The following HSD17B3 variants were observed in gnomAD, a reference collection of about 807,000 sequenced individuals.
The protein encoded by HSD17B3 is 17-beta-hydroxysteroid dehydrogenase type 3.
HSD17B3 carries 29 observed loss-of-function variants against 41.1 expected under a neutral mutation model. That is an observed-to-expected ratio of 0.71 (90% CI 0.53 to 0.96). HSD17B3 has a LOEUF of 0.96. Ranked by LOEUF, HSD17B3 falls within the 40% of genes least tolerant of loss-of-function variation. The probability of loss-of-function intolerance (pLI) is 0.00; values close to 1 mark genes in which losing one functional copy is unlikely to be tolerated. For missense variants in HSD17B3, 323 were observed against 374.6 expected (o/e 0.86, Z 1.14); for synonymous variants, 126 against 145.6 (o/e 0.87, Z 0.97).
chr9:96,290,648 A>C (rs540466215), intron 2 of HSD17B3, among the ~76,000 whole-genome samples: 2 of 152,028 alleles, frequency 1.3e-5, no homozygotes, highest in Admixed American at 6.6e-5. Flanking sequence ...AGCCTGGCCA[A>C]CATGGTGAAA....
chr9:96,261,224 T>C (rs1825845200), intron 2 of HSD17B3, among the ~76,000 whole-genome samples: 2 of 152,250 alleles, frequency 1.3e-5, no homozygotes, highest in African/African-American at 4.8e-5. Context: ...TGCCAAGACT[T>C]GGTTCAGGCA....
chr9:96,249,689 T>A, intron 6 of HSD17B3, 62 bp downstream of exon 6: 5 of 1,501,310 alleles, frequency 3.3e-6, no homozygotes, highest in Non-Finnish European at 4.6e-6. Flanking sequence ...ACAATTCTCC[T>A]GAGTTGCCAA....
At chr9:96,246,086 C>G (rs1836650453) in intron 7 of HSD17B3, among the ~76,000 whole-genome samples, 1 of 152,132 alleles carries the variant, frequency 6.6e-6, no homozygotes, top group African/African-American at 2.4e-5. Context: ...AATGAACACA[C>G]CTGAGAAAAA....
intron 2 of HSD17B3, among the ~76,000 whole-genome samples, chr9:96,278,212 T>C (rs1308968298): frequency 6.6e-6 from 1 of 152,202 alleles, no homozygotes; most frequent in Admixed American, 6.5e-5. Context: ...AACAAGGCTG[T>C]ATTATATGCT....
At chr9:96,256,045 A>C (rs1663275068) in intron 2 of HSD17B3, among the ~76,000 whole-genome samples, 1 of 152,224 alleles carries the variant, frequency 6.6e-6, no homozygotes. Context: ...GTTTTTCCTG[A>C]AAGACGAAAG....
intron 3 of HSD17B3, 93 bp from the exon 4 acceptor site, chr9:96,253,003 A>ACTGGG: frequency 3.7e-6 from 3 of 812,444 alleles, no homozygotes; most frequent in Non-Finnish European, 6.6e-6. Context: ...TTACCTGAGC[A>ACTGGG]GACATTGAAG....
At chr9:96,270,247 T>TACACACACAC (rs35263931) in intron 2 of HSD17B3, among the ~76,000 whole-genome samples, 7 of 147,278 alleles carry the variant, frequency 4.8e-5, no homozygotes, top group South Asian at 2.2e-4. Context: ...CCCAAACACA[T>TACACACACAC]ACACACACAC....
At chr9:96,238,057 C>A (rs1836297274) in intron 10 of HSD17B3, among the ~76,000 whole-genome samples, 1 of 152,104 alleles carries the variant, frequency 6.6e-6, no homozygotes, top group Non-Finnish European at 1.5e-5. Context: ...AAATCTTGAG[C>A]CCAGGAGTTC....
chr9:96,250,708 G>A (rs941826164), intron 5 of HSD17B3, among the ~76,000 whole-genome samples: 1 of 152,020 alleles, frequency 6.6e-6, no homozygotes, highest in African/African-American at 2.4e-5. Flanking sequence ...CCAACATAGT[G>A]AAACCCCCGT....
Position 96,241,222 on chromosome 9 carries a change from C to G in HSD17B3, c.673-315G>C, listed in dbSNP as rs555187213. 4.6e-3 allele frequency among the ~76,000 whole-genome samples: 698 copies of G among 152,264 alleles called. 2 individuals are homozygous for G. Among genetic ancestry groups the G allele is most frequent in the Non-Finnish European group, 8.1e-3 (554 of 68,022 alleles). Reference sequence around the variant, plus strand: ...GACAGCAAATAAAAATACAGGATGTCCAGTTAAATTTGAAGTTCAGACAAA... The same window carrying G: ...GACAGCAAATAAAAATACAGGATGTGCAGTTAAATTTGAAGTTCAGACAAA... On this transcript the variant is annotated intron_variant, in intron 9 of 10. Coordinates refer to ENST00000375263, the MANE Select transcript of HSD17B3 (RefSeq NM_000197.2).
chr9:96,239,346 G>A (rs1327891188), intron 10 of HSD17B3: 1 of 152,180 alleles, frequency 6.6e-6, no homozygotes, highest in African/African-American at 2.4e-5. Flanking sequence ...GGCCAGTTGA[G>A]ATGACTAGAT....
intron 2 of HSD17B3, among the ~76,000 whole-genome samples, chr9:96,275,351 G>A (rs962624939): frequency 3.9e-5 from 6 of 152,082 alleles, no homozygotes; most frequent in African/African-American, 1.4e-4. Context: ...TTGTAATGAT[G>A]GTGCACAAAT....
intron 2 of HSD17B3, among the ~76,000 whole-genome samples, chr9:96,273,817 C>T (rs1014640540): frequency 8.5e-5 from 13 of 152,144 alleles, no homozygotes; most frequent in African/African-American, 1.4e-4. Flanking sequence ...GCATTGCACA[C>T]GCACCCCACC....
chr9:96,298,539 C>T, intron 1 of HSD17B3, 77 bp from the exon 2 acceptor site: 1 of 1,248,164 alleles, frequency 8.0e-7, no homozygotes, highest in Non-Finnish European at 1.2e-6. Context: ...CGTTTTCTCA[C>T]AAGCCTAGTC....
rs997020388 is a variant in HSD17B3, at chr9:96,269,916, A to G, written c.202-14973T>C. Among the ~76,000 whole-genome samples, 85 of 151,784 alleles carry G rather than the reference A, an allele frequency of 5.6e-4. 1 individual carries two copies. The highest frequency in any genetic ancestry group is 1.1e-3 in the Non-Finnish European group (74 of 67,882). On this transcript the variant is annotated intron_variant, in intron 2 of 10. Transcript: ENST00000375263. The stretch of plus-strand genomic sequence containing the variant: ...GAGAATCCATCTTAAAAAGAAAAAA[A>G]AAAAAAAAAAAAAGCAGATTATAGA...
intron 2 of HSD17B3, among the ~76,000 whole-genome samples, chr9:96,291,896 G>A (rs150201752): frequency 4.8e-4 from 73 of 152,178 alleles, no homozygotes; most frequent in Non-Finnish European, 8.8e-4. Flanking sequence ...GGCAGAGGTT[G>A]CAGTGAACCA....
intron 6 of HSD17B3, among the ~76,000 whole-genome samples, chr9:96,248,536 T>C (rs575743392): frequency 6.6e-6 from 1 of 152,296 alleles, no homozygotes; most frequent in Admixed American, 6.5e-5. Context: ...ACTTTACTTA[T>C]CACTGCAGTC....
At chr9:96,263,555 A>G (rs1164581618) in intron 2 of HSD17B3, among the ~76,000 whole-genome samples, 3 of 1,624 alleles carry the variant, frequency 1.8e-3, no homozygotes, top group African/African-American at 7.7e-3. Context: ...GTCTCTACTA[A>G]AAAAAAAAAA....
At chr9:96,243,978 C>T (rs1354149349) in intron 9 of HSD17B3, among the ~76,000 whole-genome samples, 2 of 152,192 alleles carry the variant, frequency 1.3e-5, no homozygotes, top group African/African-American at 2.4e-5. Context: ...TGTTCTGTAC[C>T]AGGGTCAGAG....
Sources: allele counts gnomAD v4.1 joint callset (sites outside exome capture counted in the v4.1 genomes callset), GRCh38; gene constraint gnomAD v4.1.1; transcripts MANE v1.5; gene names NCBI Gene and HGNC (gene_info 2026-07-23, HGNC 2026-07-21).